HNRNPA3: variants seen among roughly 807,000 people sequenced by gnomAD.
HNRNPA3 encodes heterogeneous nuclear ribonucleoprotein A3.
HNRNPA3 carries 3 observed loss-of-function variants against 45.8 expected under a neutral mutation model. The observed-to-expected ratio is 0.07, with a 90% CI of 0.03 to 0.17. The LOEUF is 0.17. Among genes scored for constraint, HNRNPA3 ranks in the 10% least tolerant of loss-of-function variants. The probability of loss-of-function intolerance (pLI) is 1.00; values close to 1 mark genes in which losing one functional copy is unlikely to be tolerated. For synonymous variants in HNRNPA3, 170 were observed against 155.6 expected (o/e 1.09, Z -0.69); for missense variants, 183 against 480.3 (o/e 0.38, Z 5.79).
intron 3 of HNRNPA3, 36 bp downstream of exon 3, chr2:177,215,932 G>A (rs1334980524): frequency 6.3e-7 from 1 of 1,596,262 alleles, no homozygotes; most frequent in Non-Finnish European, 8.5e-7. Flanking sequence ...ATGTGAAATT[G>A]TTGTGAAAGT....
intron 1 of HNRNPA3, 110 bp downstream of exon 1, chr2:177,212,981 T>A: frequency 1.5e-6 from 1 of 685,348 alleles, no homozygotes; most frequent in Non-Finnish European, 2.2e-6. Context: ...CGCTCTTGCG[T>A]TGAGACAGGC....
rs1688889670 is a variant in HNRNPA3 at position 177,215,404 on chromosome 2, G to A, written c.73-135G>A. The A allele has an allele frequency of 1.5e-5, 14 of 957,638 alleles. No homozygotes were observed. The South Asian group carries it at 2.1e-4, about 14-fold the overall frequency. 59.3% of individuals were successfully genotyped at this position (957,638 alleles called of 1,614,324 possible). On this transcript the variant is annotated intron_variant, in intron 1 of 10. Transcript: ENST00000392524. ...GACATCGCGCCGGTGTCTGGTCAAAGTTTTAACTGGACAAAGTGTTAACTG... is the reference window on the plus strand; with the variant it reads ...GACATCGCGCCGGTGTCTGGTCAAAATTTTAACTGGACAAAGTGTTAACTG...
intron 5 of HNRNPA3, 37 bp downstream of exon 5, chr2:177,216,629 A>G (rs1688950035): frequency 2.5e-6 from 4 of 1,611,518 alleles, no homozygotes; most frequent in Non-Finnish European, 3.4e-6. Context: ...AGTGGATATG[A>G]GTGGTGTTTG....
At chr2:177,212,805 G>A (rs765151769) in exon 1 of HNRNPA3, 156 of 1,565,336 alleles carry the variant, frequency 1.0e-4, no homozygotes, top group Non-Finnish European at 1.3e-4. Context: ...TCAAAATGGA[G>A]GTAAAACCGC....
intron 4 of HNRNPA3, 64 bp downstream of exon 4, chr2:177,216,252 A>G (rs768639170): frequency 5.8e-5 from 67 of 1,145,698 alleles, no homozygotes; most frequent in African/African-American, 7.8e-5. Context: ...TTTGAACTAA[A>G]TTTGCTAAAT....
chr2:177,214,586 G>A (rs1437121576), intron 1 of HNRNPA3, among the ~76,000 whole-genome samples: 6 of 152,200 alleles, frequency 3.9e-5, no homozygotes. Context: ...ACGAGGTCAG[G>A]AGATCGAGAC....
chr2:177,218,666 C>T (rs1689064220), intron 8 of HNRNPA3, among the ~76,000 whole-genome samples: 1 of 152,140 alleles, frequency 6.6e-6, no homozygotes, highest in South Asian at 2.1e-4. Flanking sequence ...CTGTTAAAAG[C>T]TTTCTTAGGA....
chr2:177,216,401 ATT>A, intron 4 of HNRNPA3, 100 bp from the exon 5 acceptor site: 1 of 841,116 alleles, frequency 1.2e-6, no homozygotes, highest in Non-Finnish European at 1.9e-6. Context: ...TCACTACCTG[ATT>A]ATGTCTTAAT....
exon 1 of HNRNPA3, chr2:177,212,799 A>G (rs761666840): frequency 1.5e-5 from 24 of 1,564,898 alleles, no homozygotes; most frequent in Non-Finnish European, 2.0e-5. Context: ...CCGGTCTCAA[A>G]ATGGAGGTAA....
chr2:177,218,406 C>T (rs1440747249), intron 8 of HNRNPA3, among the ~76,000 whole-genome samples: 5 of 152,078 alleles, frequency 3.3e-5, no homozygotes, highest in African/African-American at 1.2e-4. Flanking sequence ...TGGACATTTA[C>T]CAGTATTCAG....
rs1473039413 is a variant in HNRNPA3, at chr2:177,219,319, G to A, written c.*15+5G>A. 1.3e-6 allele frequency: 2 copies of A among 1,598,626 alleles called. No individual in the cohort carries two copies. Among genetic ancestry groups the A allele is most frequent in the Admixed American group, 1.7e-5 (1 of 58,140 alleles). On this transcript the variant is annotated splice_donor_5th_base_variant and intron_variant, in intron 10 of 10. Coordinates refer to ENST00000392524, the Ensembl canonical transcript of HNRNPA3. ...TTCTAAAAACAGCAGAAAAGGGTAG[G>A]TATCTTTAAATTTTTATTATGATGA...
In HNRNPA3 at chr2:177,216,784, T is replaced by C. The variant is rs1040553002; in HGVS notation, c.739+13T>C. Reference sequence around the variant, plus strand: ...TTTGGTGGAAGAGGTAGGCTGTTTATCTTCTAAGTACATGGATACCTGACA... The same window carrying C: ...TTTGGTGGAAGAGGTAGGCTGTTTACCTTCTAAGTACATGGATACCTGACA... On this transcript the variant is annotated intron_variant, in intron 6 of 10. Coordinates refer to ENST00000392524, the Ensembl canonical transcript of HNRNPA3. The C allele has an allele frequency of 6.2e-7, 1 of 1,614,026 alleles. No homozygotes were observed.
intron 7 of HNRNPA3, 95 bp downstream of exon 7, chr2:177,217,035 A>C: frequency 7.9e-7 from 1 of 1,270,700 alleles, no homozygotes; most frequent in Non-Finnish European, 1.1e-6. Flanking sequence ...TTAAAACTTC[A>C]GTGGCTAAAT....
At chr2:177,218,059 T>TC (rs1167657522) in intron 8 of HNRNPA3, among the ~76,000 whole-genome samples, 2 of 16,180 alleles carry the variant, frequency 1.2e-4, no homozygotes, top group East Asian at 7.5e-3. Flanking sequence ...TTTCTTTTTT[T>TC]TTTTTTTTTT....
chr2:177,215,946 T>C (rs1309220446), intron 3 of HNRNPA3, 32 bp from the exon 4 acceptor site: 1 of 1,596,930 alleles, frequency 6.3e-7, no homozygotes, highest in African/African-American at 1.4e-5. Flanking sequence ...TGAAAGTTTG[T>C]TTCTTGACTT....
downstream of HNRNPA3, chr2:177,220,133 A>C (rs752936201): frequency 3.3e-5 from 5 of 152,568 alleles, no homozygotes; most frequent in South Asian, 4.1e-4. Flanking sequence ...CAAAATTTCT[A>C]TTTGGTTTTT....
intron 1 of HNRNPA3, 116 bp downstream of exon 1, chr2:177,212,987 C>A: frequency 1.5e-6 from 1 of 650,560 alleles, no homozygotes; most frequent in Non-Finnish European, 2.4e-6. Context: ...TGCGTTGAGA[C>A]AGGCTGTGGG....
downstream of HNRNPA3, chr2:177,223,159 T>C (rs1388303468): frequency 6.6e-6 from 1 of 152,212 alleles, no homozygotes; most frequent in Non-Finnish European, 1.5e-5. Flanking sequence ...CAGAGTTTAG[T>C]CTCAGAAAAT....
chr2:177,218,062 T>TC (rs1480428270), intron 8 of HNRNPA3, among the ~76,000 whole-genome samples: 181 of 16,850 alleles, frequency 0.011, 4 homozygotes, highest in South Asian at 0.062. Context: ...CTTTTTTTTT[T>TC]TTTTTTTTTT....
Sources: gnomAD v4.1 joint callset for allele counts (sites outside exome capture counted in the v4.1 genomes callset) on GRCh38, gnomAD v4.1.1 for gene constraint, MANE v1.5 for transcripts, NCBI Gene and HGNC (gene_info 2026-07-23, HGNC 2026-07-21) for gene names.